The following CATSPERT variants were observed in gnomAD, a reference collection of about 807,000 sequenced individuals.
The protein encoded by CATSPERT is catsper channel auxiliary subunit tau.
chr2:201,509,132 C>T, the CATSPERT span, among the ~76,000 whole-genome samples: 1 of 150,940 alleles, frequency 6.6e-6, no homozygotes, highest in Non-Finnish European at 1.5e-5. Context: ...ACAAGGGTTC[C>T]AATTTCTCCA....
chr2:201,517,970 C>T, the CATSPERT span, among the ~76,000 whole-genome samples: 2 of 152,168 alleles, frequency 1.3e-5, no homozygotes, highest in African/African-American at 4.8e-5. Flanking sequence ...AAGTCCAAAA[C>T]CCCAAAGGGT....
At chr2:201,555,329 A>G in the CATSPERT span, 1 of 152,236 alleles carries the variant, frequency 6.6e-6, no homozygotes, top group Admixed American at 6.5e-5. Flanking sequence ...AGCCTGGCCA[A>G]CGTGGCAAAA....
chr2:201,576,512 C>T, the CATSPERT span, among the ~76,000 whole-genome samples: 1 of 152,214 alleles, frequency 6.6e-6, no homozygotes, highest in Admixed American at 6.5e-5. Flanking sequence ...CTTCTTTGCT[C>T]CCCATAGGCC....
chr2:201,615,194 C>A, the CATSPERT span, among the ~76,000 whole-genome samples: 1 of 152,156 alleles, frequency 6.6e-6, no homozygotes, highest in Admixed American at 6.5e-5. Context: ...CTCAGCTCTG[C>A]ACCAAGCAGA....
At chr2:201,495,685 G>GTTTTT in the CATSPERT span, among the ~76,000 whole-genome samples, 3 of 131,144 alleles carry the variant, frequency 2.3e-5, no homozygotes, top group Non-Finnish European at 3.3e-5. Context: ...AATCCCCTTG[G>GTTTTT]TTTTTTTTTT....
At chr2:201,509,045 C>A in the CATSPERT span, among the ~76,000 whole-genome samples, 4 of 144,962 alleles carry the variant, frequency 2.8e-5, no homozygotes, top group Non-Finnish European at 5.9e-5. Flanking sequence ...CATGATAATT[C>A]TATTTTTAAT....
the CATSPERT span, among the ~76,000 whole-genome samples, chr2:201,566,240 G>A: frequency 2.6e-5 from 4 of 151,268 alleles, no homozygotes; most frequent in Non-Finnish European, 5.9e-5. Context: ...TAAGTTCTAG[G>A]GTATATGTGC....
the CATSPERT span, among the ~76,000 whole-genome samples, chr2:201,582,959 C>G: frequency 6.6e-6 from 1 of 152,136 alleles, no homozygotes; most frequent in East Asian, 1.9e-4. Context: ...TGTGTGCCAG[C>G]AGACTAGTTA....
chr2:201,491,379 T>G, the CATSPERT span: 2 of 1,537,054 alleles, frequency 1.3e-6, no homozygotes, highest in Non-Finnish European at 1.7e-6. Context: ...GTTTCAAGTT[T>G]TTCTCATCTT....
At chr2:201,596,223 C>T in the CATSPERT span, among the ~76,000 whole-genome samples, 1 of 152,178 alleles carries the variant, frequency 6.6e-6, no homozygotes, top group African/African-American at 2.4e-5. Flanking sequence ...AGTACATATA[C>T]ACCATGGAAT....
At chr2:201,559,543 C>G in the CATSPERT span, among the ~76,000 whole-genome samples, 1 of 152,242 alleles carries the variant, frequency 6.6e-6, no homozygotes, top group Non-Finnish European at 1.5e-5. Context: ...ACTCCCAGGT[C>G]AGACAAGCCA....
chr2:201,513,732 T>A, the CATSPERT span, among the ~76,000 whole-genome samples: 1 of 152,352 alleles, frequency 6.6e-6, no homozygotes, highest in Non-Finnish European at 1.5e-5. Flanking sequence ...ATACACACTA[T>A]GGAATACTAT....
At chr2:201,534,542 T>C in the CATSPERT span, 1 of 982,332 alleles carries the variant, frequency 1.0e-6, no homozygotes, top group Non-Finnish European at 1.2e-6. Context: ...AATCCCCAAG[T>C]CTTCAAACAA....
At chr2:201,536,161 C>T in the CATSPERT span, 2 of 1,613,494 alleles carry the variant, frequency 1.2e-6, no homozygotes, top group Admixed American at 1.7e-5. Context: ...ATTCTGCCTG[C>T]TTTTATTGTT....
chr2:201,572,335 G>C, the CATSPERT span, among the ~76,000 whole-genome samples: 1 of 152,204 alleles, frequency 6.6e-6, no homozygotes, highest in Non-Finnish European at 1.5e-5. Context: ...AGGCTACACA[G>C]TAGGCAAGAG....
the CATSPERT span, among the ~76,000 whole-genome samples, chr2:201,581,630 C>T: frequency 4.6e-4 from 58 of 126,840 alleles, no homozygotes; most frequent in South Asian, 5.2e-3. Flanking sequence ...TTTTTCCAGA[C>T]GGAGTATTGC....
At chr2:201,553,130 C>T in the CATSPERT span, 4 of 152,050 alleles carry the variant, frequency 2.6e-5, no homozygotes, top group African/African-American at 4.8e-5. Flanking sequence ...TTTTTCTGAG[C>T]CTTCTATCAC....
the CATSPERT span, among the ~76,000 whole-genome samples, chr2:201,515,891 G>T: frequency 1.3e-5 from 2 of 152,322 alleles, no homozygotes; most frequent in African/African-American, 4.8e-5. Context: ...AGCATTCACA[G>T]TACAAGTGTG....
chr2:201,521,274 G>A, the CATSPERT span, among the ~76,000 whole-genome samples: 54 of 152,266 alleles, frequency 3.5e-4, 1 homozygote, highest in African/African-American at 1.2e-3. Context: ...AACTACCTGA[G>A]ACTGGGTAAT....
Sources: gnomAD v4.1 joint callset for allele counts (sites outside exome capture counted in the v4.1 genomes callset) on GRCh38, gnomAD v4.1.1 for gene constraint, MANE v1.5 for transcripts, NCBI Gene and HGNC (gene_info 2026-07-23, HGNC 2026-07-21) for gene names.